Variants in KATNAL1 observed in about 807,000 individuals in gnomAD.
KATNAL1 encodes the protein katanin p60 ATPase-containing subunit A-like 1.
In KATNAL1, 32 loss-of-function variants were observed where a neutral mutation model predicts 55.2. That is an observed-to-expected ratio of 0.58 (90% CI 0.44 to 0.78). The LOEUF is 0.78. Ranked by LOEUF, KATNAL1 falls within the 30% of genes least tolerant of loss-of-function variation. KATNAL1 has a pLI of 0.00. For synonymous variants in KATNAL1, 193 were observed against 193.6 expected, an observed-to-expected ratio of 1.00 and a Z score of 0.02; for missense variants, 466 against 600.9, an observed-to-expected ratio of 0.78 and a Z score of 2.35.
intron 3 of KATNAL1, among the ~76,000 whole-genome samples, chr13:30,258,885 A>C (rs1387831225): frequency 6.6e-6 from 1 of 152,206 alleles, no homozygotes; most frequent in East Asian, 1.9e-4. Flanking sequence ...TTAATCATTA[A>C]GGATAACTTC....
intron 9 of KATNAL1, among the ~76,000 whole-genome samples, chr13:30,216,025 A>G (rs750755060): frequency 1.3e-5 from 2 of 152,244 alleles, no homozygotes; most frequent in African/African-American, 2.4e-5. Flanking sequence ...ATATGACAGA[A>G]TACCACACAG....
intron 1 of KATNAL1, chr13:30,296,057 A>AAAT: frequency 5.0e-6 from 1 of 200,948 alleles, no homozygotes; most frequent in Non-Finnish European, 1.0e-5. Context: ...AAAAAAAAAA[A>AAAT]TTTTAATTAG....
intron 3 of KATNAL1, among the ~76,000 whole-genome samples, chr13:30,259,236 A>T (rs1879040894): frequency 6.6e-6 from 1 of 152,092 alleles, no homozygotes; most frequent in Non-Finnish European, 1.5e-5. Context: ...GCTACTCAGG[A>T]GGCTGAGGCA....
intron 9 of KATNAL1, among the ~76,000 whole-genome samples, chr13:30,217,469 T>A (rs1053943649): frequency 1.3e-5 from 2 of 152,086 alleles, no homozygotes; most frequent in African/African-American, 2.4e-5. Context: ...AAAACTGAAT[T>A]GATATTCAAT....
At chr13:30,292,994 G>A (rs1228919273) in intron 1 of KATNAL1, among the ~76,000 whole-genome samples, 1 of 152,094 alleles carries the variant, frequency 6.6e-6, no homozygotes, top group Non-Finnish European at 1.5e-5. Flanking sequence ...TCTTTGACAT[G>A]AGTTTTCTAA....
chr13:30,235,552 A>G (rs970374591), intron 6 of KATNAL1, among the ~76,000 whole-genome samples: 1 of 152,194 alleles, frequency 6.6e-6, no homozygotes, highest in Non-Finnish European at 1.5e-5. Flanking sequence ...AAATATCCAA[A>G]CTATATCCAA....
intron 1 of KATNAL1, among the ~76,000 whole-genome samples, chr13:30,302,750 T>C (rs1882938863): frequency 6.6e-6 from 1 of 152,194 alleles, no homozygotes; most frequent in South Asian, 2.1e-4. Context: ...CTGACTGAAA[T>C]GTAACATCCT....
Position 30,210,490 on chromosome 13 carries a change from A to G in KATNAL1, c.1148-48T>C, listed in dbSNP as rs373173743. 1.9e-6 allele frequency: 3 copies of G among 1,551,580 alleles called. No individual in the cohort carries two copies. In the African/African-American group the frequency reaches 4.2e-5, roughly 22 times the overall value. On this transcript the variant is annotated intron_variant, in intron 9 of 10. Transcript: ENST00000380615. ...TTGTTAGATGTTTTACTTTACAAAT[A>G]ATTTTGCTGAGAAATGACATATTAA...
At chr13:30,244,613 G>C (rs1229379921) in intron 4 of KATNAL1, among the ~76,000 whole-genome samples, 2 of 152,142 alleles carry the variant, frequency 1.3e-5, no homozygotes, top group Admixed American at 6.5e-5. Flanking sequence ...GAATCAAGGA[G>C]CTGGTTTTTT....
chr13:30,207,128 C>T lies in KATNAL1; in HGVS notation c.*1412G>A, dbSNP rs576443047. On this transcript the variant is annotated 3_prime_UTR_variant, in exon 11 of 11. Coordinates refer to ENST00000380615, the MANE Select transcript of KATNAL1 (RefSeq NM_032116.5). Reference sequence around the variant, plus strand: ...TAGTTTTAAACCAGTAGGCACTATTCGAAACTGAGAATTCAGGATGTTATC... The same window carrying T: ...TAGTTTTAAACCAGTAGGCACTATTTGAAACTGAGAATTCAGGATGTTATC... 4.6e-5 allele frequency: 7 copies of T among 152,188 alleles called. No homozygotes were observed. The highest frequency in any genetic ancestry group is 4.2e-4 in the South Asian group (2 of 4,818). 9.4% of individuals were successfully genotyped at this position (152,188 alleles called of 1,614,324 possible). A position where few individuals can be genotyped will look rare whatever the true frequency, so the allele number is the denominator to read the frequency against.
chr13:30,284,960 G>T (rs1328224457), intron 1 of KATNAL1, among the ~76,000 whole-genome samples: 3 of 152,120 alleles, frequency 2.0e-5, no homozygotes, highest in Non-Finnish European at 2.9e-5. Flanking sequence ...TGATTTCCAG[G>T]AACAGTAAAC....
intron 1 of KATNAL1, among the ~76,000 whole-genome samples, chr13:30,306,432 T>C (rs1488741850): frequency 7.6e-6 from 1 of 130,876 alleles, no homozygotes; most frequent in Admixed American, 8.1e-5. Context: ...AAAATATGTG[T>C]AGGCAGTGTT....
chr13:30,222,925 T>TCTA (rs1405243408), intron 9 of KATNAL1, among the ~76,000 whole-genome samples: 64 of 151,778 alleles, frequency 4.2e-4, no homozygotes, highest in African/African-American at 1.4e-3. Flanking sequence ...AAACCCCGTC[T>TCTA]CTACTAATAA....
intron 1 of KATNAL1, among the ~76,000 whole-genome samples, chr13:30,302,081 A>C (rs551348420): frequency 3.2e-4 from 49 of 152,328 alleles, no homozygotes; most frequent in African/African-American, 1.2e-3. Context: ...CATGTTGCCC[A>C]GGCAACTTGT....
rs1269031271 is a variant in KATNAL1 at position 30,202,817 on chromosome 13, TAAC to T, written c.*5720_*5722del. On this transcript the variant is annotated 3_prime_UTR_variant, in exon 11 of 11. Transcript: ENST00000380615. ...GAGACAAACACTGAAACAAAAGTCT[TAAC>T]AACGCACTTACAAGCCATCATAACA... is the stretch of plus-strand genomic sequence containing the variant. 6.6e-6 allele frequency: 1 copy of T among 152,194 alleles called. No homozygotes were observed. The highest frequency in any genetic ancestry group is 1.5e-5 in the Non-Finnish European group (1 of 68,032). 9.4% of individuals were successfully genotyped at this position (152,194 alleles called of 1,614,324 possible).
chr13:30,299,779 C>T (rs1882747924), intron 1 of KATNAL1, among the ~76,000 whole-genome samples: 1 of 152,192 alleles, frequency 6.6e-6, no homozygotes, highest in Non-Finnish European at 1.5e-5. Flanking sequence ...ATAATACCTT[C>T]AAGGAGAGTT....
intron 3 of KATNAL1, among the ~76,000 whole-genome samples, chr13:30,263,950 G>C (rs1394294490): frequency 1.3e-5 from 2 of 149,936 alleles, no homozygotes; most frequent in Non-Finnish European, 3.0e-5. Context: ...AAAGCTGGAG[G>C]CATCACACTA....
chr13:30,238,861 C>T (rs1262018016), intron 6 of KATNAL1, among the ~76,000 whole-genome samples: 1 of 152,140 alleles, frequency 6.6e-6, no homozygotes, highest in Non-Finnish European at 1.5e-5. Context: ...TCACACAATG[C>T]AGGAGAAAGT....
chr13:30,260,611 A>G (rs991807994), intron 3 of KATNAL1, among the ~76,000 whole-genome samples: 15 of 152,336 alleles, frequency 9.8e-5, no homozygotes, highest in African/African-American at 3.6e-4. Context: ...ACTGGAAGAA[A>G]GGGTATCAGC....
Sources: allele counts gnomAD v4.1 joint callset (sites outside exome capture counted in the v4.1 genomes callset), GRCh38; gene constraint gnomAD v4.1.1; transcripts MANE v1.5; gene names NCBI Gene and HGNC (gene_info 2026-07-23, HGNC 2026-07-21).